CHCHD3: variants seen among roughly 807,000 people sequenced by gnomAD.
CHCHD3 encodes MICOS complex subunit MIC19.
A neutral mutation model predicts 38.2 loss-of-function variants in CHCHD3; 20 were observed. The observed-to-expected ratio is 0.52, with a 90% confidence interval of 0.37 to 0.76. CHCHD3 has a LOEUF of 0.76. Ranked by LOEUF, CHCHD3 falls within the 30% of genes least tolerant of loss-of-function variation. The pLI, the probability that CHCHD3 is intolerant of heterozygous loss-of-function variation, is 0.00. For missense variants in CHCHD3, 245 were observed against 279.2 expected (o/e 0.88, Z 0.87); for synonymous variants, 82 against 100.0 (o/e 0.82, Z 1.07).
chr7:132,939,208 T>A (rs1810703559), intron 4 of CHCHD3, among the ~76,000 whole-genome samples: 1 of 152,102 alleles, frequency 6.6e-6, no homozygotes, highest in Admixed American at 6.5e-5. Flanking sequence ...ATATTTAAAA[T>A]AAGCTTAATT....
chr7:132,789,289 T>C (rs1806399628), intron 7 of CHCHD3, among the ~76,000 whole-genome samples: 1 of 152,222 alleles, frequency 6.6e-6, no homozygotes, highest in Admixed American at 6.5e-5. Flanking sequence ...AATCTTAATG[T>C]GGAGAAAGAA....
At chr7:132,807,293 G>GC (rs1806947139) in intron 6 of CHCHD3, among the ~76,000 whole-genome samples, 1 of 152,050 alleles carries the variant, frequency 6.6e-6, no homozygotes, top group Non-Finnish European at 1.5e-5. Context: ...GGTCCTCTCT[G>GC]CCCCCCAGGC....
intron 4 of CHCHD3, among the ~76,000 whole-genome samples, chr7:132,898,089 C>T (rs534590989): frequency 1.3e-5 from 2 of 151,380 alleles, no homozygotes; most frequent in South Asian, 4.2e-4. Context: ...GTCTCCCTGG[C>T]TTCAGGAGTG....
At chr7:133,002,923 T>C (rs1413337452) in intron 3 of CHCHD3, among the ~76,000 whole-genome samples, 3 of 152,196 alleles carry the variant, frequency 2.0e-5, no homozygotes, top group Non-Finnish European at 4.4e-5. Context: ...GACACTGTTA[T>C]GTAGTTTGAT....
At chr7:133,037,782 C>T (rs1175134321) in intron 2 of CHCHD3, among the ~76,000 whole-genome samples, 2 of 152,164 alleles carry the variant, frequency 1.3e-5, no homozygotes, top group Non-Finnish European at 2.9e-5. Flanking sequence ...CACTGCACTC[C>T]AGCCTGGCGA....
chr7:132,812,200 CTTTTTTTTTTT>C (rs71529779), intron 6 of CHCHD3, among the ~76,000 whole-genome samples: 2 of 81,076 alleles, frequency 2.5e-5, no homozygotes, highest in Non-Finnish European at 4.9e-5. Context: ...TTTTTCTTTT[CTTTTTTTTTTT>C]TTTTTTTTTT....
intron 3 of CHCHD3, among the ~76,000 whole-genome samples, chr7:132,996,133 C>T (rs1812408618): frequency 6.6e-6 from 1 of 152,206 alleles, no homozygotes; most frequent in Non-Finnish European, 1.5e-5. Flanking sequence ...AACCGAAACG[C>T]TTAGCTCAAG....
chr7:133,014,683 A>AC (rs1812978913), intron 3 of CHCHD3, among the ~76,000 whole-genome samples: 1 of 151,802 alleles, frequency 6.6e-6, no homozygotes, highest in African/African-American at 2.4e-5. Context: ...AAAAAAAAAA[A>AC]GTCTAAGAAT....
At chr7:132,985,978 A>G (rs971939823) in intron 3 of CHCHD3, among the ~76,000 whole-genome samples, 4 of 151,968 alleles carry the variant, frequency 2.6e-5, no homozygotes, top group African/African-American at 9.7e-5. Context: ...GAAGGTGGGG[A>G]AAAGATTGAG....
intron 6 of CHCHD3, among the ~76,000 whole-genome samples, chr7:132,836,947 C>T (rs1377030510): frequency 6.6e-6 from 1 of 152,214 alleles, no homozygotes; most frequent in Non-Finnish European, 1.5e-5. Flanking sequence ...GCTAATGACC[C>T]ACTGACCTTT....
chr7:133,039,382 T>C (rs910647241), intron 2 of CHCHD3, among the ~76,000 whole-genome samples: 2 of 152,222 alleles, frequency 1.3e-5, no homozygotes, highest in Non-Finnish European at 2.9e-5. Flanking sequence ...TTCCTTATAG[T>C]AGCAAGAGGA....
chr7:133,078,820 A>G (rs1338429214), intron 1 of CHCHD3, among the ~76,000 whole-genome samples: 1 of 152,208 alleles, frequency 6.6e-6, no homozygotes, highest in Non-Finnish European at 1.5e-5. Context: ...CTTACAACCA[A>G]TGACATAAAT....
At chr7:132,837,970 T>A (rs1241519025) in intron 6 of CHCHD3, among the ~76,000 whole-genome samples, 1 of 152,132 alleles carries the variant, frequency 6.6e-6, no homozygotes, top group Non-Finnish European at 1.5e-5. Flanking sequence ...AAGGTACATG[T>A]GAAGAAATGA....
chr7:133,037,299 C>T (rs1038567944), intron 2 of CHCHD3, among the ~76,000 whole-genome samples: 3 of 152,090 alleles, frequency 2.0e-5, no homozygotes, highest in African/African-American at 7.2e-5. Context: ...GAACAATATA[C>T]ATTTTATATA....
intron 6 of CHCHD3, among the ~76,000 whole-genome samples, chr7:132,829,198 G>A (rs1474442021): frequency 6.6e-6 from 1 of 152,168 alleles, no homozygotes; most frequent in Non-Finnish European, 1.5e-5. Flanking sequence ...CCAACTGTGA[G>A]CTGTGTAGTT....
chr7:133,077,152 T>C (rs761316400), intron 1 of CHCHD3, among the ~76,000 whole-genome samples: 19 of 152,180 alleles, frequency 1.2e-4, no homozygotes, highest in Non-Finnish European at 2.5e-4. Context: ...TTTCTTTACA[T>C]TTGTCATTAG....
intron 2 of CHCHD3, chr7:133,051,835 G>A (rs889517044): frequency 1.3e-5 from 2 of 152,134 alleles, no homozygotes; most frequent in African/African-American, 4.8e-5. Context: ...TTTTGTCCAA[G>A]TATAATCGCA....
At chr7:132,944,615 T>TA (rs561398170) in intron 4 of CHCHD3, among the ~76,000 whole-genome samples, 147 of 150,760 alleles carry the variant, frequency 9.8e-4, no homozygotes, top group Non-Finnish European at 1.6e-3. Flanking sequence ...TACATTGTTG[T>TA]AAAAAAAAAT....
chr7:132,910,313 T>A (rs990009122), intron 4 of CHCHD3, among the ~76,000 whole-genome samples: 17 of 152,204 alleles, frequency 1.1e-4, no homozygotes, highest in African/African-American at 4.1e-4. Flanking sequence ...CCATAACAAG[T>A]GCCCCCCACA....
Sources: gnomAD v4.1 joint callset for allele counts (sites outside exome capture counted in the v4.1 genomes callset) on GRCh38, gnomAD v4.1.1 for gene constraint, MANE v1.5 for transcripts, NCBI Gene and HGNC (gene_info 2026-07-23, HGNC 2026-07-21) for gene names.